SH2D4B: variants seen among roughly 807,000 people sequenced by gnomAD.
SH2D4B encodes SH2 domain-containing protein 4B.
A neutral mutation model predicts 61.5 loss-of-function variants in SH2D4B; 45 were observed. The observed-to-expected ratio is 0.73, with a 90% confidence interval of 0.58 to 0.94. SH2D4B has a LOEUF of 0.94. Among genes scored for constraint, SH2D4B ranks in the 40% least tolerant of loss-of-function variants. The pLI, the probability that SH2D4B is intolerant of heterozygous loss-of-function variation, is 0.00. For synonymous variants in SH2D4B, 224 were observed against 220.4 expected, an observed-to-expected ratio of 1.02 and a Z score of -0.14; for missense variants, 572 against 574.2, an observed-to-expected ratio of 1.00 and a Z score of 0.04.
At chr10:80,625,535 T>C (rs1230536281) in intron 6 of SH2D4B, among the ~76,000 whole-genome samples, 11 of 152,034 alleles carry the variant, frequency 7.2e-5, no homozygotes, top group African/African-American at 2.4e-4. Flanking sequence ...GTTTTCTTGT[T>C]TTTTATTCAT....
intron 3 of SH2D4B, among the ~76,000 whole-genome samples, chr10:80,586,257 G>T (rs1465536359): frequency 6.6e-6 from 1 of 152,214 alleles, no homozygotes; most frequent in Non-Finnish European, 1.5e-5. Context: ...TGAGGAGTGT[G>T]GGCGCACGGC....
chr10:80,589,144 C>T (rs1219743473), intron 4 of SH2D4B, among the ~76,000 whole-genome samples: 2 of 151,982 alleles, frequency 1.3e-5, no homozygotes, highest in African/African-American at 4.8e-5. Context: ...GCTGGGATTA[C>T]AGGCACCCGC....
chr10:80,546,283 A>C (rs748570465), intron 1 of SH2D4B, among the ~76,000 whole-genome samples: 3 of 152,036 alleles, frequency 2.0e-5, no homozygotes, highest in African/African-American at 7.2e-5. Context: ...TCTGGGCTCA[A>C]GCAATCCACC....
chr10:80,584,260 T>G (rs7920037), intron 3 of SH2D4B, among the ~76,000 whole-genome samples: 41,732 of 151,804 alleles, frequency 0.27, 6,758 homozygotes, highest in African/African-American at 0.45. Flanking sequence ...GTGTGCCATT[T>G]GTAGGTGGAT....
At chr10:80,626,826 G>A (rs2132156381) in intron 6 of SH2D4B, among the ~76,000 whole-genome samples, 1 of 152,292 alleles carries the variant, frequency 6.6e-6, no homozygotes, top group Admixed American at 6.5e-5. Flanking sequence ...TCCTTTGCAT[G>A]AGACAACATG....
At chr10:80,591,899 A>G (rs1202522821) in intron 4 of SH2D4B, among the ~76,000 whole-genome samples, 2 of 152,296 alleles carry the variant, frequency 1.3e-5, no homozygotes, top group East Asian at 3.9e-4. Context: ...GGATTAATCC[A>G]TTCTTGAAGG....
intron 6 of SH2D4B, among the ~76,000 whole-genome samples, chr10:80,610,823 G>T (rs893869678): frequency 6.6e-6 from 1 of 152,158 alleles, no homozygotes; most frequent in Admixed American, 6.5e-5. Flanking sequence ...CCCTTTGGGA[G>T]TTGGTTCAGA....
At chr10:80,563,441 T>C (rs548933345) in intron 1 of SH2D4B, among the ~76,000 whole-genome samples, 53 of 152,352 alleles carry the variant, frequency 3.5e-4, no homozygotes, top group Non-Finnish European at 7.3e-5. Context: ...GTGCAGAAGC[T>C]TTGTAGTTTG....
At chr10:80,632,642 A>G (rs942412380) in intron 6 of SH2D4B, among the ~76,000 whole-genome samples, 1 of 151,936 alleles carries the variant, frequency 6.6e-6, no homozygotes, top group African/African-American at 2.4e-5. Flanking sequence ...TCCCTGCTGC[A>G]GCCTCTTTTA....
chr10:80,564,990 A>T (rs1841946166), intron 1 of SH2D4B, among the ~76,000 whole-genome samples: 2 of 152,204 alleles, frequency 1.3e-5, no homozygotes, highest in South Asian at 4.1e-4. Context: ...ATAGACAAAA[A>T]AAGGGACATT....
intron 3 of SH2D4B, among the ~76,000 whole-genome samples, chr10:80,586,437 G>A (rs7082413): frequency 0.27 from 40,767 of 151,950 alleles, 6,412 homozygotes; most frequent in African/African-American, 0.43. Flanking sequence ...AAACACACCT[G>A]TCAGCACCCT....
chr10:80,636,904 G>C (rs1378214685), intron 7 of SH2D4B, among the ~76,000 whole-genome samples: 1 of 152,136 alleles, frequency 6.6e-6, no homozygotes, highest in African/African-American at 2.4e-5. Flanking sequence ...TTTTCTTCTA[G>C]GGTTTTTATG....
intron 1 of SH2D4B, among the ~76,000 whole-genome samples, chr10:80,563,926 A>G (rs1841937005): frequency 6.6e-6 from 1 of 152,246 alleles, no homozygotes; most frequent in South Asian, 2.1e-4. Flanking sequence ...CAGAACCCCA[A>G]TCAAGAAAAA....
intron 1 of SH2D4B, among the ~76,000 whole-genome samples, chr10:80,555,977 G>A (rs2880648): frequency 0.41 from 62,117 of 152,092 alleles, 16,185 homozygotes; most frequent in African/African-American, 0.75. Flanking sequence ...CAGGTAAGAC[G>A]ATGTGATGAA....
intron 4 of SH2D4B, among the ~76,000 whole-genome samples, chr10:80,596,939 T>G (rs1289027856): frequency 6.6e-6 from 1 of 151,620 alleles, no homozygotes; most frequent in East Asian, 1.9e-4. Context: ...CATCTGCGGA[T>G]TCACTCAACC....
At chr10:80,639,590 A>G (rs1840252450) in intron 7 of SH2D4B, among the ~76,000 whole-genome samples, 2 of 152,170 alleles carry the variant, frequency 1.3e-5, no homozygotes, top group Non-Finnish European at 2.9e-5. Flanking sequence ...TTTATCAGAG[A>G]CTAGGATTGC....
At chr10:80,550,839 C>G (rs1223262614) in intron 1 of SH2D4B, among the ~76,000 whole-genome samples, 1 of 152,128 alleles carries the variant, frequency 6.6e-6, no homozygotes, top group Non-Finnish European at 1.5e-5. Flanking sequence ...GCCTGTTCTT[C>G]CTGCCACAAC....
intron 6 of SH2D4B, among the ~76,000 whole-genome samples, chr10:80,631,608 GA>G (rs1281180570): frequency 6.6e-6 from 1 of 152,206 alleles, no homozygotes; most frequent in Non-Finnish European, 1.5e-5. Flanking sequence ...GTGCACAATG[GA>G]ATAGTATTTG....
intron 6 of SH2D4B, among the ~76,000 whole-genome samples, chr10:80,624,951 C>A (rs914170452): frequency 1.3e-5 from 2 of 152,136 alleles, no homozygotes; most frequent in African/African-American, 4.8e-5. Flanking sequence ...TAAGTGGGAG[C>A]AGCACCAAAT....
Sources: gnomAD v4.1 joint callset for allele counts (sites outside exome capture counted in the v4.1 genomes callset) on GRCh38, gnomAD v4.1.1 for gene constraint, MANE v1.5 for transcripts, NCBI Gene and HGNC (gene_info 2026-07-23, HGNC 2026-07-21) for gene names.